SMIM13: variants seen among roughly 807,000 people sequenced by gnomAD.
The protein encoded by SMIM13 is UPF0766 protein C6orf228.
Under a neutral mutation model 5.9 loss-of-function variants are expected in SMIM13, and 3 were observed. That is an observed-to-expected ratio of 0.51 (90% CI 0.23 to 1.31). The LOEUF (loss-of-function observed/expected upper bound fraction) is 1.31. Among genes scored for constraint, SMIM13 ranks in the 40% most tolerant of loss-of-function variants. SMIM13 has a pLI of 0.18. For synonymous variants in SMIM13, 55 were observed against 46.0 expected, an observed-to-expected ratio of 1.19 and a Z score of -0.79; for missense variants, 85 against 109.9, an observed-to-expected ratio of 0.77 and a Z score of 1.01.
intron 1 of SMIM13, among the ~76,000 whole-genome samples, chr6:11,108,993 A>G (rs1223347319): frequency 6.6e-6 from 1 of 152,158 alleles, no homozygotes; most frequent in African/African-American, 2.4e-5. Context: ...TCCTTCTATC[A>G]GATAGAGGAA....
At chr6:11,108,134 G>A (rs978045314) in intron 1 of SMIM13, among the ~76,000 whole-genome samples, 5 of 152,166 alleles carry the variant, frequency 3.3e-5, no homozygotes, top group African/African-American at 9.7e-5. Flanking sequence ...GGGTATTCTG[G>A]CATCACTAAA....
chr6:11,103,754 C>A (rs756385693), intron 1 of SMIM13: 5 of 1,551,494 alleles, frequency 3.2e-6, no homozygotes, highest in Admixed American at 3.9e-5. Flanking sequence ...TCGTCTGGAG[C>A]TTTATGGCCT....
intron 1 of SMIM13, among the ~76,000 whole-genome samples, chr6:11,117,881 C>T (rs1158074098): frequency 6.6e-6 from 1 of 152,100 alleles, no homozygotes; most frequent in Non-Finnish European, 1.5e-5. Flanking sequence ...TTGCAAGTAG[C>T]TGGGATTGCA....
chr6:11,100,631 A>C (rs1757978063), intron 1 of SMIM13, among the ~76,000 whole-genome samples: 1 of 152,166 alleles, frequency 6.6e-6, no homozygotes, highest in South Asian at 2.1e-4. Context: ...GTAGCTTTCT[A>C]GGAAAGAATG....
In SMIM13 at chr6:11,105,151, G is replaced by C. The variant is rs926812780; in HGVS notation, c.76+10762G>C. Reference sequence around the variant, plus strand: ...GGCGAGGCTGGATAAGCTGTCCCTGGTGTTTCAGTGGAAGAGCTAGTACAT... The same window carrying C: ...GGCGAGGCTGGATAAGCTGTCCCTGCTGTTTCAGTGGAAGAGCTAGTACAT... On this transcript the variant is annotated intron_variant, in intron 1 of 1. Transcript: ENST00000416247. 1.9e-6 allele frequency: 3 copies of C among 1,614,084 alleles called. No individual in the cohort carries two copies. In the African/African-American group the frequency reaches 4.0e-5, roughly 22 times the overall value.
At chr6:11,112,723 G>A (rs552465611) in intron 1 of SMIM13, among the ~76,000 whole-genome samples, 1 of 152,252 alleles carries the variant, frequency 6.6e-6, no homozygotes, top group Admixed American at 6.5e-5. Context: ...CCATTGTATA[G>A]ATATACCACA....
chr6:11,124,758 C>G (rs577371779), intron 1 of SMIM13, among the ~76,000 whole-genome samples: 17 of 152,228 alleles, frequency 1.1e-4, no homozygotes, highest in African/African-American at 4.1e-4. Context: ...TTGCATTTCT[C>G]TGATGATCAG....
At position 11,138,090 on chromosome 6, in the gene SMIM13, C is replaced by T. The variant is rs889383155; in HGVS notation, c.*3488C>T. 1 of 152,094 alleles carries T rather than the reference C, an allele frequency of 6.6e-6. No individual in the cohort carries two copies. Among genetic ancestry groups the T allele is most frequent in the Non-Finnish European group, 1.5e-5 (1 of 68,000 alleles). 9.4% of individuals were successfully genotyped at this position (152,094 alleles called of 1,614,324 possible). A position where few individuals can be genotyped will look rare whatever the true frequency, so the allele number is the denominator to read the frequency against. ...CAACAATGCAGTCTTTTTTAAAAGTCAGTTTTCTCAAGTAGTATGTTGTAA... is the reference window on the plus strand; with the variant it reads ...CAACAATGCAGTCTTTTTTAAAAGTTAGTTTTCTCAAGTAGTATGTTGTAA... On this transcript the variant is annotated 3_prime_UTR_variant, in exon 2 of 2. Transcript: ENST00000416247.
chr6:11,118,297 A>C (rs1329917141), intron 1 of SMIM13, among the ~76,000 whole-genome samples: 2 of 152,216 alleles, frequency 1.3e-5, no homozygotes, highest in African/African-American at 4.8e-5. Flanking sequence ...CTTTTGTGAA[A>C]GGGCACCAGC....
At position 11,136,317 on chromosome 6, in the gene SMIM13, GAA is replaced by G. The variant is rs1394141631; in HGVS notation, c.*1716_*1717del. 2 of 152,200 alleles carry G rather than the reference GAA, an allele frequency of 1.3e-5. No individual in the cohort carries two copies. The highest frequency in any genetic ancestry group is 4.8e-5 in the African/African-American group (2 of 41,448). The allele number at this position is 152,200 out of a possible 1,614,324, so 9.4% of individuals were successfully genotyped here. On this transcript the variant is annotated 3_prime_UTR_variant, in exon 2 of 2. Transcript: ENST00000416247. ...CTCTGGGCTGAGTGTTTACCAGGGA[GAA>G]GAGATGTGAATTAAACAACCTTCCT...
chr6:11,117,469 C>T (rs1455030693), intron 1 of SMIM13, among the ~76,000 whole-genome samples: 2 of 151,812 alleles, frequency 1.3e-5, no homozygotes, highest in Non-Finnish European at 2.9e-5. Context: ...GCCACCATGC[C>T]TGGCCGACGT....
Position 11,104,963 on chromosome 6 carries a change from A to T in SMIM13, c.76+10574A>T, listed in dbSNP as rs759430701. 4.3e-6 allele frequency: 7 copies of T among 1,614,222 alleles called. No homozygotes were observed. The Admixed American group carries it at 1.2e-4, about 27-fold the overall frequency. On this transcript the variant is annotated intron_variant, in intron 1 of 1. Transcript: ENST00000416247. Reference sequence around the variant, plus strand: ...TAGGGGCTATTCCCATTAGGTTGATATTAGTAAAGATGGGTCCGAAAATGG... The same window carrying T: ...TAGGGGCTATTCCCATTAGGTTGATTTTAGTAAAGATGGGTCCGAAAATGG...
intron 1 of SMIM13, chr6:11,104,270 C>T: frequency 1.3e-6 from 2 of 1,551,678 alleles, no homozygotes; most frequent in Non-Finnish European, 1.7e-6. Context: ...CCCTCCTCAC[C>T]CTGGGCAACG....
intron 1 of SMIM13, among the ~76,000 whole-genome samples, chr6:11,129,848 T>C (rs1273554750): frequency 6.6e-6 from 1 of 152,192 alleles, no homozygotes; most frequent in Non-Finnish European, 1.5e-5. Context: ...ATACCTTTCT[T>C]AGTTTATTCT....
rs115810940 is a variant in SMIM13, at chr6:11,098,696, G to A, written c.76+4307G>A. ...GATCCACTTGCCCCGGGCTCCCAGG[G>A]TGCTGGGACTACAGGCATGAGCCAC... is the stretch of plus-strand genomic sequence containing the variant. On this transcript the variant is annotated intron_variant, in intron 1 of 1. Transcript: ENST00000416247. Among the ~76,000 whole-genome samples the A allele has an allele frequency of 5.9e-3, 896 of 152,292 alleles. 3 individuals are homozygous for A. Among genetic ancestry groups the A allele is most frequent in the South Asian group, 0.024 (117 of 4,820 alleles).
chr6:11,105,144 G>A, intron 1 of SMIM13: 1 of 1,614,220 alleles, frequency 6.2e-7, no homozygotes, highest in Non-Finnish European at 8.5e-7. Flanking sequence ...TGGATAAGCT[G>A]TCCCTGGTGT....
chr6:11,116,225 G>T (rs1758238229), intron 1 of SMIM13, among the ~76,000 whole-genome samples: 2 of 151,984 alleles, frequency 1.3e-5, no homozygotes, highest in Non-Finnish European at 2.9e-5. Flanking sequence ...CCCCATGTTG[G>T]CCAGGCTGTT....
intron 1 of SMIM13, among the ~76,000 whole-genome samples, chr6:11,115,646 A>G (rs1758226766): frequency 6.6e-6 from 1 of 151,342 alleles, no homozygotes; most frequent in African/African-American, 2.4e-5. Flanking sequence ...TAACTATCCC[A>G]TTACCTTTGC....
intron 1 of SMIM13, chr6:11,104,703 C>G: frequency 4.3e-6 from 7 of 1,614,208 alleles, no homozygotes; most frequent in Non-Finnish European, 5.9e-6. Context: ...CCAGAAGTTT[C>G]GAGTACTGCA....
Sources: allele counts gnomAD v4.1 joint callset (sites outside exome capture counted in the v4.1 genomes callset), GRCh38; gene constraint gnomAD v4.1.1; transcripts MANE v1.5; gene names NCBI Gene and HGNC (gene_info 2026-07-23, HGNC 2026-07-21).